ZNF525: variants seen among roughly 807,000 people sequenced by gnomAD.
The protein encoded by ZNF525 is zinc finger protein 525.
ZNF525 carries 33 observed loss-of-function variants against 37.6 expected under a neutral mutation model. The observed-to-expected ratio is 0.88, with a 90% CI of 0.67 to 1.17. The LOEUF is 1.17. Ranked by LOEUF, ZNF525 falls within the 50% of genes most tolerant of loss-of-function variation. The pLI, the probability that ZNF525 is intolerant of heterozygous loss-of-function variation, is 0.00. For synonymous variants in ZNF525, 170 were observed against 182.3 expected, an observed-to-expected ratio of 0.93 and a Z score of 0.54; for missense variants, 449 against 543.1, an observed-to-expected ratio of 0.83 and a Z score of 1.72.
intron 3 of ZNF525, chr19:53,376,476 G>A (rs2085523251): frequency 3.5e-6 from 2 of 578,308 alleles, no homozygotes; most frequent in Admixed American, 6.7e-5. Flanking sequence ...TTCTTATTTT[G>A]TTTTTTCAGG....
chr19:53,381,062 T>A lies in ZNF525; in HGVS notation c.483T>A (p.Asn161Lys), dbSNP rs749876398. 1.3e-6 allele frequency: 2 copies of A among 1,521,740 alleles called. No individual in the cohort carries two copies. The highest frequency in any genetic ancestry group is 1.8e-6 in the Non-Finnish European group (2 of 1,095,978). 94.3% of individuals were successfully genotyped at this position (1,521,740 alleles called of 1,614,324 possible). A position where few individuals can be genotyped will look rare whatever the true frequency, so the allele number is the denominator to read the frequency against. ...TATTTCAGCCCAAAGGGAAAATTAATAATCAAGTGGAGAAGTCTATCAACG... is the reference window on the plus strand; with the variant it reads ...TATTTCAGCCCAAAGGGAAAATTAAAAATCAAGTGGAGAAGTCTATCAACG... ...LHIFQPKGKI[N>K]NQVEKSINDA... The change falls in exon 4 of 4, where the codon AAT becomes AAA. Residue 161 changes from asparagine (N) to lysine (K), a missense_variant. Physicochemically the swap from Asn to Lys is moderately conservative, Grantham distance 94. This residue lies in a region of ZNF525 where 271 missense variants were observed against 381.6 expected (regional missense o/e 0.71). Coordinates refer to ENST00000474037, the MANE Select transcript of ZNF525 (RefSeq NM_001348156.2).
In ZNF525 at chr19:53,385,795, C is replaced by T. The variant is rs187232008; in HGVS notation, c.*3776C>T. ...CCAAAAGAAATAAACAGTTTGTAAA[C>T]GGATAACTTATTTTGAGTTAGGGCA... On this transcript the variant is annotated 3_prime_UTR_variant, in exon 4 of 4. Transcript: ENST00000474037. 150 of 156,538 alleles carry T rather than the reference C, an allele frequency of 9.6e-4. No individual in the cohort carries two copies. Among genetic ancestry groups the T allele is most frequent in the Admixed American group, 1.2e-3 (19 of 15,998 alleles). 9.7% of individuals were successfully genotyped at this position (156,538 alleles called of 1,614,324 possible).
rs543924123 is a variant in ZNF525 at position 53,386,063 on chromosome 19, G to A, written c.*4044G>A. The stretch of plus-strand genomic sequence containing the variant: ...CCCAGCTACTCAGGAGGCTGAGGCA[G>A]GGGAATCTCTTGAACCCAGGAGGTG... On this transcript the variant is annotated 3_prime_UTR_variant, in exon 4 of 4. Transcript: ENST00000474037. The A allele has an allele frequency of 3.1e-6, 1 of 326,988 alleles. No homozygotes were observed. Among genetic ancestry groups the A allele is most frequent in the African/African-American group, 2.2e-5 (1 of 46,004 alleles). The allele number at this position is 326,988 out of a possible 1,614,324, so 20.3% of individuals were successfully genotyped here.
chr19:53,369,710 AGTTTCTTTT>A (rs2085471551), intron 1 of ZNF525, among the ~76,000 whole-genome samples: 1 of 132,224 alleles, frequency 7.6e-6, no homozygotes, highest in Non-Finnish European at 1.6e-5. Context: ...TTGCAAAAGA[AGTTTCTTTT>A]TTTTTTTTTT....
chr19:53,371,562 T>A (rs1417264680), intron 1 of ZNF525, among the ~76,000 whole-genome samples: 1 of 152,042 alleles, frequency 6.6e-6, no homozygotes, highest in African/African-American at 2.4e-5. Context: ...AGAGACAAGG[T>A]TTCACCATGT....
In ZNF525 at chr19:53,383,051, A is replaced by C; in HGVS notation, c.*1032A>C. ...GCTTGCATGTCATCATAGACTTCATACTGGAGAGAACGCTTGCAAGTGTAA... is the reference window on the plus strand; with the variant it reads ...GCTTGCATGTCATCATAGACTTCATCCTGGAGAGAACGCTTGCAAGTGTAA... On this transcript the variant is annotated 3_prime_UTR_variant, in exon 4 of 4. Coordinates refer to ENST00000474037, the MANE Select transcript of ZNF525 (RefSeq NM_001348156.2). 6.9e-7 allele frequency: 1 copy of C among 1,441,534 alleles called. No individual in the cohort carries two copies. Among genetic ancestry groups the C allele is most frequent in the Non-Finnish European group, 9.7e-7 (1 of 1,033,530 alleles). The allele number at this position is 1,441,534 out of a possible 1,614,324, so 89.3% of individuals were successfully genotyped here.
In ZNF525 at chr19:53,377,765, T is replaced by G. The variant is rs562823008; in HGVS notation, c.142+1869T>G. Among the ~76,000 whole-genome samples, 11 of 152,228 alleles carry G rather than the reference T, an allele frequency of 7.2e-5. No homozygotes were observed. The South Asian group carries it at 2.3e-3, about 32-fold the overall frequency. On this transcript the variant is annotated intron_variant, in intron 3 of 3. Coordinates refer to ENST00000474037, the MANE Select transcript of ZNF525 (RefSeq NM_001348156.2). ...TTTGTAGAGACGGGGTTTCACTGTG[T>G]TAGCAAGAATGGTCTCGATCTCCTG...
chr19:53,371,220 CAG>C (rs1231929808), intron 1 of ZNF525, among the ~76,000 whole-genome samples: 2 of 126,596 alleles, frequency 1.6e-5, no homozygotes, highest in Non-Finnish European at 3.3e-5. Context: ...TTTTTTTAGA[CAG>C]AGTCTCACTC....
chr19:53,376,735 C>T (rs939100907), intron 3 of ZNF525, among the ~76,000 whole-genome samples: 2 of 152,068 alleles, frequency 1.3e-5, no homozygotes, highest in Non-Finnish European at 1.5e-5. Flanking sequence ...TTTGGAAGGC[C>T]GGGGGTGGGC....
At position 53,381,249 on chromosome 19, in the gene ZNF525, T is replaced by C. The variant is rs2085559577; in HGVS notation, c.670T>C (p.Phe224Leu). ...SFQCIESGKAFNYSSLLRKHQ... is the reference protein window; with the variant it reads ...SFQCIESGKALNYSSLLRKHQ... Reference sequence around the variant, plus strand: ...CCAATGTATTGAGAGTGGCAAAGCCTTTAATTATAGCTCACTCTTAAGGAA... The same window carrying C: ...CCAATGTATTGAGAGTGGCAAAGCCCTTAATTATAGCTCACTCTTAAGGAA... Residue 224 changes from phenylalanine (F) to leucine (L), a missense_variant, in exon 4 of 4, where the codon TTT (phenylalanine) becomes CTT (leucine). Phe to Leu is a conservative substitution (Grantham distance 22, BLOSUM62 0). This residue lies in a region of ZNF525 where 271 missense variants were observed against 381.6 expected (regional missense o/e 0.71). Transcript: ENST00000474037. 7.2e-7 allele frequency: 1 copy of C among 1,382,204 alleles called. No individual in the cohort carries two copies. Among genetic ancestry groups the C allele is most frequent in the African/African-American group, 1.4e-5 (1 of 70,460 alleles). 85.6% of individuals were successfully genotyped at this position (1,382,204 alleles called of 1,614,324 possible).
intron 3 of ZNF525, among the ~76,000 whole-genome samples, chr19:53,376,707 T>G (rs371959497): frequency 6.6e-6 from 1 of 152,300 alleles, no homozygotes; most frequent in East Asian, 1.9e-4. Context: ...CAGTGGCTCA[T>G]GCCTGTAATC....
At chr19:53,379,067 T>A (rs2085541493) in intron 3 of ZNF525, among the ~76,000 whole-genome samples, 1 of 152,180 alleles carries the variant, frequency 6.6e-6, no homozygotes. Context: ...GGCTGTTTCA[T>A]AAATGTAGTT....
Position 53,386,452 on chromosome 19 carries a change from T to C in ZNF525, c.*4433T>C. On this transcript the variant is annotated 3_prime_UTR_variant, in exon 4 of 4. Transcript: ENST00000474037. Reference sequence around the variant, plus strand: ...TGAGCATCACAATCACGTTACCATATCAAGCTGAAAATGTCACCACTATCT... The same window carrying C: ...TGAGCATCACAATCACGTTACCATACCAAGCTGAAAATGTCACCACTATCT... 1.3e-5 allele frequency: 9 copies of C among 699,858 alleles called. No homozygotes were observed. The highest frequency in any genetic ancestry group is 2.6e-6 in the Non-Finnish European group (1 of 391,578). The allele number at this position is 699,858 out of a possible 1,614,324, so 43.4% of individuals were successfully genotyped here.
chr19:53,369,551 A>G lies in ZNF525; in HGVS notation c.-67-2664A>G, dbSNP rs1011632027. Among the ~76,000 whole-genome samples, 5 of 147,290 alleles carry G rather than the reference A, an allele frequency of 3.4e-5. 2 individuals are homozygous for G. The highest frequency in any genetic ancestry group is 7.5e-5 in the Non-Finnish European group (5 of 67,028). On this transcript the variant is annotated intron_variant, in intron 1 of 3. Coordinates refer to ENST00000474037, the MANE Select transcript of ZNF525 (RefSeq NM_001348156.2). ...CACCCATGTATTCTTGATGGAAACA[A>G]TTTGCTTATGTCTTAGTTCTACAGC...
In ZNF525 at chr19:53,381,907, A is replaced by T; in HGVS notation, c.1328A>T (p.Glu443Val). Reference protein sequence around the residue: ...HNGEKLYKCNECGKTFSQELS... With the variant: ...HNGEKLYKCNVCGKTFSQELS... ...GGAGAGAAACTGTACAAATGTAATG[A>T]GTGTGGCAAGACCTTCAGTCAGGAG... The change falls in exon 4 of 4, where the codon GAG becomes GTG. Residue 443 changes from glutamate to valine, a missense_variant. Coordinates refer to ENST00000474037, the MANE Select transcript of ZNF525 (RefSeq NM_001348156.2). 1.0e-6 allele frequency: 1 copy of T among 971,622 alleles called. No individual in the cohort carries two copies. The highest frequency in any genetic ancestry group is 1.3e-5 in the South Asian group (1 of 78,260). 60.2% of individuals were successfully genotyped at this position (971,622 alleles called of 1,614,324 possible).
intron 3 of ZNF525, among the ~76,000 whole-genome samples, chr19:53,379,789 G>A (rs1336481170): frequency 6.6e-6 from 1 of 152,108 alleles, no homozygotes; most frequent in African/African-American, 2.4e-5. Flanking sequence ...ATCACTTGAG[G>A]TCAAAAGTTC....
intron 3 of ZNF525, among the ~76,000 whole-genome samples, chr19:53,379,001 A>G (rs2085540993): frequency 6.6e-6 from 1 of 152,228 alleles, no homozygotes; most frequent in Non-Finnish European, 1.5e-5. Context: ...TTTTATGCAT[A>G]GTGAACTAGA....
At chr19:53,376,350 C>T in intron 3 of ZNF525, 1 of 702,392 alleles carries the variant, frequency 1.4e-6, no homozygotes. Flanking sequence ...CAGTCTTTGC[C>T]TTCTGAGTGC....
rs2085577185 is a variant in ZNF525 at position 53,382,847 on chromosome 19, T to A, written c.*828T>A. On this transcript the variant is annotated 3_prime_UTR_variant, in exon 4 of 4. Coordinates refer to ENST00000474037, the MANE Select transcript of ZNF525 (RefSeq NM_001348156.2). ...TGAAGAATGTGATAAAGCTTTCAGATTCAAATCAAACCTTGAAAGTCATAG... is the reference window on the plus strand; with the variant it reads ...TGAAGAATGTGATAAAGCTTTCAGAATCAAATCAAACCTTGAAAGTCATAG... 1 of 1,314,534 alleles carries A rather than the reference T, an allele frequency of 7.6e-7. No individual in the cohort carries two copies. The highest frequency in any genetic ancestry group is 1.1e-6 in the Non-Finnish European group (1 of 920,900). The allele number at this position is 1,314,534 out of a possible 1,614,324, so 81.4% of individuals were successfully genotyped here. A position where few individuals can be genotyped will look rare whatever the true frequency, so the allele number is the denominator to read the frequency against.
Sources: gnomAD v4.1 joint callset for allele counts (sites outside exome capture counted in the v4.1 genomes callset) on GRCh38, gnomAD v4.1.1 for gene constraint, gnomAD v4.1.1 regional missense constraint, MANE v1.5 for transcripts, NCBI Gene and HGNC (gene_info 2026-07-23, HGNC 2026-07-21) for gene names.